DCC: variants seen among roughly 807,000 people sequenced by gnomAD.
DCC encodes the protein DCC netrin 1 receptor.
Under a neutral mutation model 172.5 loss-of-function variants are expected in DCC, and 58 were observed. The observed-to-expected ratio is 0.34, with a 90% confidence interval of 0.27 to 0.42. DCC has a LOEUF of 0.42. DCC is among the 10% of genes least tolerant of loss of function. The pLI, the probability that DCC is intolerant of heterozygous loss-of-function variation, is 1.00. For synonymous variants in DCC, 709 were observed against 644.5 expected, an observed-to-expected ratio of 1.10 and a Z score of -1.52; for missense variants, 1,740 against 1,791.0, an observed-to-expected ratio of 0.97 and a Z score of 0.51.
At chr18:53,357,050 A>C (rs1194034606) in intron 15 of DCC, among the ~76,000 whole-genome samples, 2 of 152,202 alleles carry the variant, frequency 1.3e-5, no homozygotes, top group African/African-American at 4.8e-5. Context: ...AAGTTGATCC[A>C]GGCAAGCGGG....
At chr18:53,439,024 A>G (rs1324282497) in intron 22 of DCC, among the ~76,000 whole-genome samples, 1 of 152,232 alleles carries the variant, frequency 6.6e-6, no homozygotes, top group Non-Finnish European at 1.5e-5. Flanking sequence ...TGAATAACGT[A>G]TCTGAAATAT....
intron 2 of DCC, among the ~76,000 whole-genome samples, chr18:52,776,368 G>T (rs961477600): frequency 1.3e-5 from 2 of 151,070 alleles, no homozygotes; most frequent in Admixed American, 1.3e-4. Context: ...GGTTTGTTAA[G>T]AACTTAGATA....
At chr18:53,178,404 C>G (rs2055141663) in intron 8 of DCC, among the ~76,000 whole-genome samples, 1 of 152,210 alleles carries the variant, frequency 6.6e-6, no homozygotes, top group African/African-American at 2.4e-5. Context: ...TCTCTTCACG[C>G]AGGAAGGAAT....
intron 1 of DCC, among the ~76,000 whole-genome samples, chr18:52,714,537 A>T (rs139172931): frequency 6.6e-6 from 1 of 152,344 alleles, no homozygotes; most frequent in African/African-American, 2.4e-5. Flanking sequence ...AGGAACTGCT[A>T]TATTGGGAAA....
At chr18:52,593,431 C>T (rs954094304) in intron 1 of DCC, among the ~76,000 whole-genome samples, 5 of 152,148 alleles carry the variant, frequency 3.3e-5, no homozygotes, top group African/African-American at 1.2e-4. Flanking sequence ...TCAAGAAATT[C>T]TCTTTTAAAA....
At chr18:52,743,596 A>G (rs1302846473) in intron 1 of DCC, among the ~76,000 whole-genome samples, 2 of 152,146 alleles carry the variant, frequency 1.3e-5, no homozygotes, top group African/African-American at 2.4e-5. Context: ...ATTGTTCTTT[A>G]CCATTGGATT....
At chr18:53,435,238 T>C in intron 22 of DCC, 29 bp downstream of exon 22, 1 of 1,375,732 alleles carries the variant, frequency 7.3e-7, no homozygotes. Flanking sequence ...TAATATTGAA[T>C]TAGTTATATT....
intron 1 of DCC, among the ~76,000 whole-genome samples, chr18:52,563,412 G>A (rs1357067646): frequency 3.3e-5 from 5 of 152,026 alleles, no homozygotes; most frequent in East Asian, 3.9e-4. Context: ...ATTCCTGCTC[G>A]AGCGTTTCAT....
intron 3 of DCC, among the ~76,000 whole-genome samples, chr18:52,916,681 T>A (rs970157930): frequency 6.6e-6 from 1 of 152,160 alleles, no homozygotes; most frequent in African/African-American, 2.4e-5. Flanking sequence ...ACATTACAAC[T>A]AATTTTCAAA....
chr18:52,523,707 A>G (rs2031891726), intron 1 of DCC, among the ~76,000 whole-genome samples: 1 of 152,180 alleles, frequency 6.6e-6, no homozygotes, highest in Non-Finnish European at 1.5e-5. Context: ...CCTGTTGCAA[A>G]TTGTGAATTA....
intron 19 of DCC, among the ~76,000 whole-genome samples, chr18:53,410,023 A>G (rs561265212): frequency 5.9e-5 from 9 of 152,336 alleles, no homozygotes; most frequent in South Asian, 2.1e-4. Context: ...TTAAACATGT[A>G]TAGCATTTTA....
intron 1 of DCC, among the ~76,000 whole-genome samples, chr18:52,390,901 C>A (rs965218356): frequency 6.6e-6 from 1 of 152,058 alleles, no homozygotes; most frequent in African/African-American, 2.4e-5. Context: ...AGTGTATTAG[C>A]ACTTGGAGTT....
intron 7 of DCC, among the ~76,000 whole-genome samples, chr18:53,070,781 G>T (rs1010866283): frequency 1.3e-5 from 2 of 152,158 alleles, no homozygotes; most frequent in African/African-American, 4.8e-5. Flanking sequence ...AGCGTGACAG[G>T]ACACCATTGT....
At chr18:52,808,739 G>A (rs2145243449) in intron 2 of DCC, among the ~76,000 whole-genome samples, 1 of 152,260 alleles carries the variant, frequency 6.6e-6, no homozygotes, top group African/African-American at 2.4e-5. Context: ...TCTTATGATT[G>A]ATTCTGCTGG....
intron 7 of DCC, among the ~76,000 whole-genome samples, chr18:53,113,839 A>C (rs2043372170): frequency 6.6e-6 from 1 of 151,440 alleles, no homozygotes; most frequent in Non-Finnish European, 1.5e-5. Context: ...GATAAATTTC[A>C]GAACCATACT....
chr18:52,659,579 C>G (rs2035317831), intron 1 of DCC, among the ~76,000 whole-genome samples: 1 of 152,042 alleles, frequency 6.6e-6, no homozygotes. Flanking sequence ...CCAAATGAAC[C>G]AGGCCAAAAC....
At chr18:52,988,535 A>G (rs1331563360) in intron 5 of DCC, among the ~76,000 whole-genome samples, 1 of 152,100 alleles carries the variant, frequency 6.6e-6, no homozygotes, top group Non-Finnish European at 1.5e-5. Flanking sequence ...TCAGTTTTCT[A>G]TTGTTATACA....
chr18:52,651,319 C>T (rs1282301785), intron 1 of DCC, among the ~76,000 whole-genome samples: 1 of 152,004 alleles, frequency 6.6e-6, no homozygotes, highest in African/African-American at 2.4e-5. Flanking sequence ...CTTCTGGTGC[C>T]ACAGATGTGG....
chr18:53,301,832 G>A (rs1284682857), intron 12 of DCC, among the ~76,000 whole-genome samples: 2 of 152,012 alleles, frequency 1.3e-5, no homozygotes, highest in Non-Finnish European at 2.9e-5. Flanking sequence ...TTGTTGAGGT[G>A]TAATTAAAAT....
Sources: allele counts gnomAD v4.1 joint callset (sites outside exome capture counted in the v4.1 genomes callset), GRCh38; gene constraint gnomAD v4.1.1; transcripts MANE v1.5; gene names NCBI Gene and HGNC (gene_info 2026-07-23, HGNC 2026-07-21).